The following OXR1 variants were observed in gnomAD, a reference collection of about 807,000 sequenced individuals.
The protein encoded by OXR1 is oxidation resistance protein 1.
A neutral mutation model predicts 104.6 loss-of-function variants in OXR1; 41 were observed. That is an observed-to-expected ratio of 0.39 (90% CI 0.31 to 0.51). OXR1 has a LOEUF of 0.51. Among genes scored for constraint, OXR1 ranks in the 20% least tolerant of loss-of-function variants. The pLI is 0.77. For missense variants in OXR1, 955 were observed against 1,031.9 expected (o/e 0.93, Z 1.02); for synonymous variants, 348 against 348.4 (o/e 1.00, Z 0.01).
intron 3 of OXR1, among the ~76,000 whole-genome samples, chr8:106,617,487 A>G (rs1821342619): frequency 6.6e-6 from 1 of 152,176 alleles, no homozygotes; most frequent in Non-Finnish European, 1.5e-5. Context: ...ACTTTTATCC[A>G]TTCTTTTAAT....
intron 15 of OXR1, among the ~76,000 whole-genome samples, chr8:106,745,156 A>G (rs1412454875): frequency 2.6e-5 from 4 of 152,204 alleles, no homozygotes; most frequent in African/African-American, 4.8e-5. Context: ...GATAAAAGTA[A>G]GTTGCTAGAA....
intron 1 of OXR1, among the ~76,000 whole-genome samples, chr8:106,347,964 T>A (rs1815566713): frequency 6.6e-6 from 1 of 152,202 alleles, no homozygotes; most frequent in Non-Finnish European, 1.5e-5. Flanking sequence ...ACAAAATGTA[T>A]AAAATGTGAA....
chr8:106,401,617 A>G (rs1818006220), intron 2 of OXR1, among the ~76,000 whole-genome samples: 1 of 152,198 alleles, frequency 6.6e-6, no homozygotes, highest in Non-Finnish European at 1.5e-5. Context: ...GGAATATGTT[A>G]TCTTGAAAAG....
At chr8:106,570,034 G>A (rs1817360963) in intron 3 of OXR1, among the ~76,000 whole-genome samples, 1 of 152,162 alleles carries the variant, frequency 6.6e-6, no homozygotes, top group African/African-American at 2.4e-5. Flanking sequence ...TCAGTGCACT[G>A]TCATGGTGAA....
intron 1 of OXR1, among the ~76,000 whole-genome samples, chr8:106,312,423 G>A (rs1000401996): frequency 6.6e-6 from 1 of 152,214 alleles, no homozygotes; most frequent in Non-Finnish European, 1.5e-5. Flanking sequence ...AGAAGCCACA[G>A]TGTCATCTGT....
intron 16 of OXR1, among the ~76,000 whole-genome samples, chr8:106,746,703 A>G (rs771016842): frequency 1.2e-4 from 18 of 152,320 alleles, no homozygotes; most frequent in Non-Finnish European, 1.6e-4. Flanking sequence ...AAGTAGGGTG[A>G]TTAAAAAGTG....
At chr8:106,627,445 A>G (rs917518455) in intron 3 of OXR1, among the ~76,000 whole-genome samples, 2 of 152,162 alleles carry the variant, frequency 1.3e-5, no homozygotes, top group Admixed American at 6.6e-5. Flanking sequence ...AGATGAAATG[A>G]TAGCCATCTG....
intron 3 of OXR1, among the ~76,000 whole-genome samples, chr8:106,635,287 TA>T (rs773073555): frequency 2.0e-5 from 3 of 152,134 alleles, no homozygotes; most frequent in Non-Finnish European, 4.4e-5. Flanking sequence ...AAAATAGCAA[TA>T]AGTGATGCAA....
intron 11 of OXR1, among the ~76,000 whole-genome samples, chr8:106,725,381 A>C (rs1171053591): frequency 6.6e-6 from 1 of 152,146 alleles, no homozygotes; most frequent in Admixed American, 6.6e-5. Flanking sequence ...AAAATGGAAG[A>C]AATTTTCAAA....
At chr8:106,733,249 TCA>T (rs1402505414) in intron 11 of OXR1, among the ~76,000 whole-genome samples, 1 of 152,144 alleles carries the variant, frequency 6.6e-6, no homozygotes, top group African/African-American at 2.4e-5. Context: ...ATCTAGATTA[TCA>T]AATTAGTGAG....
chr8:106,729,666 T>C (rs1833693788), intron 11 of OXR1: 1 of 152,164 alleles, frequency 6.6e-6, no homozygotes, highest in South Asian at 2.1e-4. Flanking sequence ...CACAACCTAG[T>C]TGAAAAAAGT....
intron 3 of OXR1, among the ~76,000 whole-genome samples, chr8:106,613,665 C>G (rs1417849982): frequency 6.6e-6 from 1 of 152,218 alleles, no homozygotes; most frequent in Non-Finnish European, 1.5e-5. Flanking sequence ...TCCCAAAGTT[C>G]TGGGATTACA....
At chr8:106,660,830 C>G (rs192206481) in intron 3 of OXR1, among the ~76,000 whole-genome samples, 2 of 151,898 alleles carry the variant, frequency 1.3e-5, no homozygotes, top group African/African-American at 2.4e-5. Flanking sequence ...CTAGCCAACA[C>G]GGTGAAACCC....
intron 3 of OXR1, among the ~76,000 whole-genome samples, chr8:106,638,473 G>A (rs905434273): frequency 6.6e-6 from 1 of 152,170 alleles, no homozygotes; most frequent in Admixed American, 6.5e-5. Context: ...AGATTGCTGA[G>A]CCTCATCTAT....
At chr8:106,738,168 A>G (rs968602106) in intron 12 of OXR1, among the ~76,000 whole-genome samples, 1 of 152,108 alleles carries the variant, frequency 6.6e-6, no homozygotes, top group Non-Finnish European at 1.5e-5. Context: ...TTTTTTAGAA[A>G]CAAGAAAGCA....
intron 3 of OXR1, among the ~76,000 whole-genome samples, chr8:106,661,886 C>T (rs73699981): frequency 0.016 from 2,459 of 152,248 alleles, 35 homozygotes; most frequent in Admixed American, 0.047. Context: ...AGGTTGGTAG[C>T]GGAGAAGAGG....
At chr8:106,736,525 A>G (rs1278093603) in intron 11 of OXR1, among the ~76,000 whole-genome samples, 7 of 152,168 alleles carry the variant, frequency 4.6e-5, no homozygotes, top group Admixed American at 6.6e-5. Context: ...TACAAGAGGA[A>G]CTAGTCATAG....
rs1830162539 is a variant in OXR1 at position 106,697,506 on chromosome 8, C to T, written c.675+4629C>T. The T allele has an allele frequency of 2.5e-6, 4 of 1,610,288 alleles. No homozygotes were observed. In the South Asian group the frequency reaches 3.3e-5, roughly 13 times the overall value. ...TCTGTAGCCCGATCACGTTCTTGCC[C>T]TCTTGCAGCTGGTTATCCGAGAAGT... On this transcript the variant is annotated intron_variant, in intron 7 of 16. Transcript: ENST00000517566.
chr8:106,313,228 G>A (rs1417372930), intron 1 of OXR1, among the ~76,000 whole-genome samples: 3 of 151,986 alleles, frequency 2.0e-5, no homozygotes, highest in Non-Finnish European at 4.4e-5. Flanking sequence ...TGCTTTTGAG[G>A]TTGGTGAAGA....
Sources: gnomAD v4.1 joint callset for allele counts (sites outside exome capture counted in the v4.1 genomes callset) on GRCh38, gnomAD v4.1.1 for gene constraint, MANE v1.5 for transcripts, NCBI Gene and HGNC (gene_info 2026-07-23, HGNC 2026-07-21) for gene names.